ST18: variants seen among roughly 807,000 people sequenced by gnomAD.
The protein encoded by ST18 is suppression of tumorigenicity 18 protein.
ST18 carries 50 observed loss-of-function variants against 110.0 expected under a neutral mutation model. The ratio of observed to expected loss-of-function variants is 0.45; its 90% confidence interval spans 0.36 to 0.58. The LOEUF (loss-of-function observed/expected upper bound fraction) is 0.58, where lower values mean the gene tolerates loss of function less well. Among genes scored for constraint, ST18 ranks in the 20% least tolerant of loss-of-function variants. ST18 has a pLI of 0.00. For synonymous variants in ST18, 461 were observed against 452.4 expected (o/e 1.02, Z -0.24); for missense variants, 1,306 against 1,280.1 (o/e 1.02, Z -0.31).
At chr8:52,307,359 G>A (rs1426514404) in intron 2 of ST18, among the ~76,000 whole-genome samples, 2 of 152,118 alleles carry the variant, frequency 1.3e-5, no homozygotes, top group African/African-American at 4.8e-5. Context: ...TCTTTTTAAT[G>A]GTTAGAAGAG....
intron 17 of ST18, among the ~76,000 whole-genome samples, chr8:52,141,013 G>A (rs2054800656): frequency 6.6e-6 from 1 of 152,182 alleles, no homozygotes; most frequent in Non-Finnish European, 1.5e-5. Flanking sequence ...TGACTTCTAA[G>A]GTCTCAAGTC....
intron 2 of ST18, among the ~76,000 whole-genome samples, chr8:52,325,845 T>C (rs759847771): frequency 1.3e-5 from 2 of 152,216 alleles, no homozygotes; most frequent in African/African-American, 2.4e-5. Flanking sequence ...CACTCAACTT[T>C]ATAAATAAAT....
chr8:52,181,127 A>C (rs886897930), intron 8 of ST18, among the ~76,000 whole-genome samples: 5 of 152,224 alleles, frequency 3.3e-5, no homozygotes, highest in African/African-American at 1.2e-4. Context: ...TTCTCTTGGC[A>C]AGATCCATGA....
intron 3 of ST18, among the ~76,000 whole-genome samples, chr8:52,225,189 T>C (rs755540): frequency 0.082 from 12,436 of 152,262 alleles, 1,077 homozygotes; most frequent in African/African-American, 0.21. Flanking sequence ...CAATAACTTA[T>C]GCAAGACCTA....
chr8:52,348,886 T>C (rs1242147501), intron 2 of ST18, among the ~76,000 whole-genome samples: 1 of 152,194 alleles, frequency 6.6e-6, no homozygotes. Flanking sequence ...ACACCCACTG[T>C]CTTAGCATTT....
At chr8:52,157,162 A>G (rs1289532390) in intron 15 of ST18, among the ~76,000 whole-genome samples, 2 of 152,206 alleles carry the variant, frequency 1.3e-5, no homozygotes, top group Non-Finnish European at 2.9e-5. Flanking sequence ...CTAACCAAAA[A>G]TATGTTTTTA....
At chr8:52,371,991 A>G (rs933422186) in intron 2 of ST18, among the ~76,000 whole-genome samples, 3 of 152,226 alleles carry the variant, frequency 2.0e-5, no homozygotes, top group Non-Finnish European at 4.4e-5. Flanking sequence ...CTTATTTAAA[A>G]AAAAGTTAAC....
At chr8:52,258,379 C>T (rs968805307) in intron 2 of ST18, among the ~76,000 whole-genome samples, 3 of 152,162 alleles carry the variant, frequency 2.0e-5, no homozygotes, top group African/African-American at 7.2e-5. Flanking sequence ...GTATTGCCAT[C>T]TTGCAAGATT....
intron 2 of ST18, among the ~76,000 whole-genome samples, chr8:52,270,336 G>A (rs2095033192): frequency 6.6e-6 from 1 of 152,158 alleles, no homozygotes; most frequent in Admixed American, 6.5e-5. Flanking sequence ...TCATTCCCCC[G>A]CTGTGCTCCA....
At chr8:52,121,990 CG>C (rs2045044122) in intron 23 of ST18, among the ~76,000 whole-genome samples, 2 of 151,992 alleles carry the variant, frequency 1.3e-5, no homozygotes, top group South Asian at 4.2e-4. Context: ...AGACTACAGG[CG>C]TACGCCACCA....
intron 2 of ST18, among the ~76,000 whole-genome samples, chr8:52,298,160 A>C (rs917082823): frequency 2.6e-5 from 4 of 152,126 alleles, no homozygotes; most frequent in African/African-American, 9.7e-5. Context: ...TTTAGGGCCT[A>C]CCCTGGAAAT....
chr8:52,392,255 G>T (rs1310867551), intron 2 of ST18, among the ~76,000 whole-genome samples: 1 of 152,140 alleles, frequency 6.6e-6, no homozygotes, highest in African/African-American at 2.4e-5. Context: ...ACAAATAGTT[G>T]TTGATGCTGG....
At chr8:52,238,416 T>C (rs1335682622) in intron 2 of ST18, among the ~76,000 whole-genome samples, 1 of 152,128 alleles carries the variant, frequency 6.6e-6, no homozygotes, top group Non-Finnish European at 1.5e-5. Flanking sequence ...GCAACCTCTA[T>C]AGAAAACAGT....
At chr8:52,145,283 T>A (rs980311804) in intron 16 of ST18, among the ~76,000 whole-genome samples, 2 of 152,140 alleles carry the variant, frequency 1.3e-5, no homozygotes, top group Non-Finnish European at 2.9e-5. Context: ...CTAAATAATA[T>A]AAACATAAAG....
At chr8:52,350,007 C>T (rs971298278) in intron 2 of ST18, among the ~76,000 whole-genome samples, 1 of 152,154 alleles carries the variant, frequency 6.6e-6, no homozygotes, top group Admixed American at 6.5e-5. Context: ...AGCAACTCCA[C>T]GCCCTTCCTC....
intron 16 of ST18, among the ~76,000 whole-genome samples, chr8:52,143,897 A>G (rs932101530): frequency 2.6e-4 from 40 of 152,224 alleles, no homozygotes; most frequent in African/African-American, 7.7e-4. Flanking sequence ...GCTAAATTAA[A>G]TTTAGGCATT....
At chr8:52,264,931 A>G (rs2094818386) in intron 2 of ST18, among the ~76,000 whole-genome samples, 1 of 152,182 alleles carries the variant, frequency 6.6e-6, no homozygotes, top group African/African-American at 2.4e-5. Context: ...CCTGGTCCCA[A>G]ATACTCCTCT....
At chr8:52,223,309 CA>C (rs1264975415) in intron 3 of ST18, among the ~76,000 whole-genome samples, 1 of 152,136 alleles carries the variant, frequency 6.6e-6, no homozygotes, top group African/African-American at 2.4e-5. Context: ...TAATGATATA[CA>C]TGTTAATTGT....
Position 52,161,345 on chromosome 8 carries a change from G to A in ST18, c.1594+30C>T, listed in dbSNP as rs773747754. ...TACACCCATACACAAGAAGCATTTT[G>A]GGGAAACGGCATTAGAGCTCAAAGC... On this transcript the variant is annotated intron_variant, in intron 14 of 25. Transcript: ENST00000689386. 3 of 1,602,044 alleles carry A rather than the reference G, an allele frequency of 1.9e-6. No homozygotes were observed. In the East Asian group the frequency reaches 6.7e-5, roughly 36 times the overall value.
Sources: allele counts gnomAD v4.1 joint callset (sites outside exome capture counted in the v4.1 genomes callset), GRCh38; gene constraint gnomAD v4.1.1; transcripts MANE v1.5; gene names NCBI Gene and HGNC (gene_info 2026-07-23, HGNC 2026-07-21).